NEURL1: variants seen among roughly 807,000 people sequenced by gnomAD.
NEURL1 encodes neuralized E3 ubiquitin protein ligase 1, also known as E3 ubiquitin-protein ligase NEURL1.
NEURL1 carries 26 observed loss-of-function variants against 41.2 expected under a neutral mutation model. That is an observed-to-expected ratio of 0.63 (90% CI 0.46 to 0.87). NEURL1 has a LOEUF of 0.87. Ranked by LOEUF, NEURL1 falls within the 40% of genes least tolerant of loss-of-function variation. NEURL1 has a pLI of 0.00. For missense variants in NEURL1, 761 were observed against 871.1 expected, an observed-to-expected ratio of 0.87 and a Z score of 1.59; for synonymous variants, 400 against 402.3, an observed-to-expected ratio of 0.99 and a Z score of 0.07.
At chr10:103,543,219 G>A (rs2034856921) in intron 1 of NEURL1, among the ~76,000 whole-genome samples, 1 of 152,220 alleles carries the variant, frequency 6.6e-6, no homozygotes, top group Non-Finnish European at 1.5e-5. Context: ...TGCCTCCAGG[G>A]AAGATGGTCA....
At chr10:103,577,646 T>G (rs2035693834) in intron 3 of NEURL1, 1 of 152,226 alleles carries the variant, frequency 6.6e-6, no homozygotes, top group African/African-American at 2.4e-5. Flanking sequence ...CTCCTGTGCC[T>G]TCCAGAGTCG....
intron 1 of NEURL1, among the ~76,000 whole-genome samples, chr10:103,552,300 T>C (rs1160379949): frequency 6.6e-6 from 1 of 152,194 alleles, no homozygotes; most frequent in Non-Finnish European, 1.5e-5. Context: ...GTCTTCGCCC[T>C]TCTCCTCAAG....
rs1300913333 is a variant in NEURL1 at position 103,558,262 on chromosome 10, G to A, written c.86-12610G>A. 6 of 985,064 alleles carry A rather than the reference G, an allele frequency of 6.1e-6. No homozygotes were observed. The highest frequency in any genetic ancestry group is 7.2e-6 in the Non-Finnish European group (6 of 829,798). 61.0% of individuals were successfully genotyped at this position (985,064 alleles called of 1,614,324 possible). Reference sequence around the variant, plus strand: ...TGCTGCGTTAAAGTGAGTGAGGGGAGGGTGACAGGAGGACCCAGGACTCTG... The same window carrying A: ...TGCTGCGTTAAAGTGAGTGAGGGGAAGGTGACAGGAGGACCCAGGACTCTG... On this transcript the variant is annotated intron_variant, in intron 1 of 5. Transcript: ENST00000369780. The surrounding 1 kb of genome is among the most constrained non-coding windows in gnomAD (Gnocchi z 4.2).
chr10:103,539,032 G>A (rs1194252758), intron 1 of NEURL1, among the ~76,000 whole-genome samples: 6 of 147,172 alleles, frequency 4.1e-5, no homozygotes, highest in South Asian at 2.2e-4. Context: ...CTGTAGCCTC[G>A]ACCTCCCAGG....
chr10:103,513,472 G>A (rs376279575), intron 1 of NEURL1, among the ~76,000 whole-genome samples: 3 of 152,244 alleles, frequency 2.0e-5, no homozygotes, highest in African/African-American at 4.8e-5. Flanking sequence ...GCTCACTGAG[G>A]TGCCTGTGCC....
chr10:103,519,496 G>A (rs2034296587), intron 1 of NEURL1, among the ~76,000 whole-genome samples: 1 of 152,164 alleles, frequency 6.6e-6, no homozygotes, highest in African/African-American at 2.4e-5. Context: ...GTATCCAGAA[G>A]TGCATAATAT....
At chr10:103,565,624 T>G (rs896576593) in intron 1 of NEURL1, among the ~76,000 whole-genome samples, 2 of 152,216 alleles carry the variant, frequency 1.3e-5, no homozygotes, top group Non-Finnish European at 2.9e-5. Flanking sequence ...AATGAAGATG[T>G]GACTTGTTAG....
intron 3 of NEURL1, among the ~76,000 whole-genome samples, chr10:103,577,375 CA>C (rs2035688241): frequency 6.6e-6 from 1 of 152,158 alleles, no homozygotes; most frequent in South Asian, 2.1e-4. Context: ...AGCTTTGAGT[CA>C]TGTATTGTCC....
At chr10:103,504,271 G>C (rs184061434) in intron 1 of NEURL1, among the ~76,000 whole-genome samples, 1 of 152,174 alleles carries the variant, frequency 6.6e-6, no homozygotes, top group African/African-American at 2.4e-5. Flanking sequence ...GATTACAGGC[G>C]GGAGCCACTG....
intron 1 of NEURL1, among the ~76,000 whole-genome samples, chr10:103,522,602 CAAAA>C (rs528719693): frequency 0.016 from 1,719 of 106,732 alleles, 25 homozygotes; most frequent in African/African-American, 0.055. Flanking sequence ...AACTCCATTT[CAAAA>C]AAAAAAAAAA....
chr10:103,568,038 CG>C (rs2035462233), intron 1 of NEURL1, among the ~76,000 whole-genome samples: 1 of 152,114 alleles, frequency 6.6e-6, no homozygotes, highest in South Asian at 2.1e-4. Context: ...CTCAGGGATA[CG>C]GGAGAGGATG....
chr10:103,499,642 T>G (rs1480741789), intron 1 of NEURL1, among the ~76,000 whole-genome samples: 1 of 151,310 alleles, frequency 6.6e-6, no homozygotes, highest in Non-Finnish European at 1.5e-5. Flanking sequence ...TTTCTGTAGG[T>G]TTTTTTTTAA....
chr10:103,556,267 G>A lies in NEURL1; in HGVS notation c.86-14605G>A, dbSNP rs186934492. ...CTGTGGTCTTGGGAGCGCCATGGCC[G>A]ATGTGGCAGCAGACCCGGAGAAGCC... On this transcript the variant is annotated intron_variant, in intron 1 of 5. Transcript: ENST00000369780. This position sits in a 1 kb window ranked among gnomAD's most constrained non-coding sequence, Gnocchi z 4.4. Among the ~76,000 whole-genome samples, 8 of 152,334 alleles carry A rather than the reference G, an allele frequency of 5.3e-5. No homozygotes were observed. The highest frequency in any genetic ancestry group is 3.3e-4 in the Admixed American group (5 of 15,306).
chr10:103,521,579 G>A (rs2034349148), intron 1 of NEURL1, among the ~76,000 whole-genome samples: 1 of 152,194 alleles, frequency 6.6e-6, no homozygotes, highest in Non-Finnish European at 1.5e-5. Context: ...AAGGAAATGA[G>A]AGGTTCTAAC....
At position 103,583,340 on chromosome 10, in the gene NEURL1, A is replaced by T. The variant is rs371580652; in HGVS notation, c.650-1196A>T. ...TTTTCTGGGGAAAAGGGTCAATGTC[A>T]TCACATTTTCAAAGTGATGTAGTAC... On this transcript the variant is annotated intron_variant, in intron 3 of 5. Coordinates refer to ENST00000369780, the MANE Select transcript of NEURL1 (RefSeq NM_004210.5). Among the ~76,000 whole-genome samples the T allele has an allele frequency of 9.8e-5, 15 of 152,296 alleles. No homozygotes were observed. The East Asian group carries it at 2.9e-3, about 29-fold the overall frequency.
intron 1 of NEURL1, among the ~76,000 whole-genome samples, chr10:103,543,289 T>C (rs1369900361): frequency 6.6e-6 from 1 of 152,212 alleles, no homozygotes; most frequent in South Asian, 2.1e-4. Flanking sequence ...GCGTGGCTTC[T>C]TGGCTCTTTC....
At chr10:103,590,015 G>T in intron 5 of NEURL1, 119 bp from the exon 6 acceptor site, 1 of 1,067,284 alleles carries the variant, frequency 9.4e-7, no homozygotes, top group Non-Finnish European at 1.4e-6. Flanking sequence ...GGTTGTCAGG[G>T]TGAACAGGCA....
intron 4 of NEURL1, 126 bp downstream of exon 4, chr10:103,585,351 C>T (rs1442894033): frequency 2.3e-6 from 2 of 886,136 alleles, no homozygotes; most frequent in Non-Finnish European, 3.3e-6. Context: ...ATCACAGACA[C>T]CTAAGGTGAG....
At chr10:103,497,588 G>A (rs766675266) in intron 1 of NEURL1, among the ~76,000 whole-genome samples, 3 of 152,208 alleles carry the variant, frequency 2.0e-5, no homozygotes, top group Non-Finnish European at 2.9e-5. Flanking sequence ...CCCCACCATC[G>A]CCTCTCGGGT....
Sources: allele counts gnomAD v4.1 joint callset (sites outside exome capture counted in the v4.1 genomes callset), GRCh38; gene constraint gnomAD v4.1.1; non-coding constraint Gnocchi (gnomAD v3.1); transcripts MANE v1.5; gene names NCBI Gene and HGNC (gene_info 2026-07-23, HGNC 2026-07-21).